GPC6: variants seen among roughly 807,000 people sequenced by gnomAD.
GPC6 encodes glypican-6.
GPC6 carries 14 observed loss-of-function variants against 55.2 expected under a neutral mutation model. The ratio of observed to expected loss-of-function variants is 0.25; its 90% CI spans 0.17 to 0.40. GPC6 has a LOEUF of 0.40. Ranked by LOEUF, GPC6 falls within the 10% of genes least tolerant of loss-of-function variation. The pLI, the probability that GPC6 is intolerant of heterozygous loss-of-function variation, is 1.00. For synonymous variants in GPC6, 278 were observed against 259.6 expected, an observed-to-expected ratio of 1.07 and a Z score of -0.68; for missense variants, 641 against 708.5, an observed-to-expected ratio of 0.90 and a Z score of 1.08.
At chr13:93,578,929 A>AATT (rs1421835074) in intron 2 of GPC6, among the ~76,000 whole-genome samples, 2 of 151,998 alleles carry the variant, frequency 1.3e-5, no homozygotes, top group Non-Finnish European at 2.9e-5. Context: ...TTCTTTTGAA[A>AATT]TCCTCTTATT....
intron 2 of GPC6, among the ~76,000 whole-genome samples, chr13:93,554,145 C>CA (rs35616377): frequency 0.35 from 47,410 of 136,710 alleles, 8,454 homozygotes; most frequent in African/African-American, 0.51. Flanking sequence ...GAGACTCTGT[C>CA]AAAAAAAAAA....
At chr13:94,341,555 A>T (rs1336971927) in intron 6 of GPC6, among the ~76,000 whole-genome samples, 2 of 150,860 alleles carry the variant, frequency 1.3e-5, no homozygotes, top group African/African-American at 4.9e-5. Context: ...ACTGCACTCC[A>T]GCCTGGGCAA....
chr13:93,886,337 A>G (rs1327374542), intron 3 of GPC6, among the ~76,000 whole-genome samples: 7 of 152,026 alleles, frequency 4.6e-5, no homozygotes, highest in African/African-American at 1.7e-4. Flanking sequence ...TTTAAAAATC[A>G]GTGGTGGTAT....
intron 4 of GPC6, among the ~76,000 whole-genome samples, chr13:94,084,262 A>C (rs551597664): frequency 2.0e-5 from 3 of 152,330 alleles, no homozygotes; most frequent in East Asian, 3.9e-4. Flanking sequence ...AGTTGCATCC[A>C]AGGCCAAAAA....
chr13:93,314,603 A>C (rs1465507835), intron 1 of GPC6, among the ~76,000 whole-genome samples: 1 of 152,102 alleles, frequency 6.6e-6, no homozygotes, highest in Non-Finnish European at 1.5e-5. Context: ...TGCCTTGTTT[A>C]GCTACTATCA....
intron 1 of GPC6, among the ~76,000 whole-genome samples, chr13:93,453,176 C>T (rs776487351): frequency 9.9e-5 from 15 of 152,244 alleles, no homozygotes; most frequent in South Asian, 2.1e-4. Context: ...CTGATGGCGT[C>T]GAAGACCCAA....
chr13:93,303,196 G>A (rs77866401), intron 1 of GPC6, among the ~76,000 whole-genome samples: 1,767 of 152,214 alleles, frequency 0.012, 36 homozygotes, highest in African/African-American at 0.039. Context: ...CCTGATTCAT[G>A]AATTGTTTGT....
rs865861337 is a variant in GPC6, at chr13:93,688,284, G to A, written c.320-141870G>A. On this transcript the variant is annotated intron_variant, in intron 2 of 8. Transcript: ENST00000377047. ...TAAGAGAGACCAGAAATAAGCACAA[G>A]TTGAGAGAAGAATGAGTAGACTTTA... Among the ~76,000 whole-genome samples, 4 of 152,184 alleles carry A rather than the reference G, an allele frequency of 2.6e-5. No individual in the cohort carries two copies. The South Asian group carries it at 6.2e-4, about 24-fold the overall frequency.
chr13:93,572,338 G>C (rs756539846), intron 2 of GPC6, among the ~76,000 whole-genome samples: 1 of 152,124 alleles, frequency 6.6e-6, no homozygotes, highest in Non-Finnish European at 1.5e-5. Flanking sequence ...CATCAGAAAT[G>C]TAGGGGACGC....
At chr13:93,894,449 T>C (rs1211665253) in intron 3 of GPC6, among the ~76,000 whole-genome samples, 1 of 152,186 alleles carries the variant, frequency 6.6e-6, no homozygotes, top group Non-Finnish European at 1.5e-5. Context: ...ATACATCTCA[T>C]TATGTTCATC....
At position 93,982,502 on chromosome 13, in the gene GPC6, G is replaced by T. The variant is rs78697581; in HGVS notation, c.712-45227G>T. ...TGAAAAGGGCAGTTTTAAAGATACC[G>T]ACCCTACATTATTTAATTCCCACAT... On this transcript the variant is annotated intron_variant, in intron 3 of 8. Coordinates refer to ENST00000377047, the MANE Select transcript of GPC6 (RefSeq NM_005708.5). Among the ~76,000 whole-genome samples, 193 of 152,220 alleles carry T rather than the reference G, an allele frequency of 1.3e-3. 1 individual carries two copies. Among genetic ancestry groups the T allele is most frequent in the African/African-American group, 4.3e-3 (180 of 41,540 alleles).
chr13:94,147,678 GTGAC>G (rs1271970802), intron 4 of GPC6, among the ~76,000 whole-genome samples: 1 of 152,038 alleles, frequency 6.6e-6, no homozygotes, highest in Non-Finnish European at 1.5e-5. Context: ...CCCTGGCTCT[GTGAC>G]CCTGGGCAAG....
chr13:93,512,043 C>G (rs1402472200), intron 1 of GPC6, among the ~76,000 whole-genome samples: 3 of 152,054 alleles, frequency 2.0e-5, no homozygotes, highest in African/African-American at 7.2e-5. Flanking sequence ...TATTCTACAA[C>G]TTTACTGAAT....
intron 3 of GPC6, among the ~76,000 whole-genome samples, chr13:93,983,485 G>A (rs1880895596): frequency 6.6e-6 from 1 of 151,688 alleles, no homozygotes; most frequent in Admixed American, 6.6e-5. Context: ...GGTCAAGCTG[G>A]AGTGCAATGG....
intron 1 of GPC6, among the ~76,000 whole-genome samples, chr13:93,490,827 T>C (rs1368851140): frequency 9.6e-6 from 1 of 103,658 alleles, no homozygotes; most frequent in Non-Finnish European, 1.9e-5. Context: ...ATTTCATCCA[T>C]GTCCCTACAA....
At chr13:94,381,898 C>T (rs913697074) in intron 6 of GPC6, among the ~76,000 whole-genome samples, 2 of 152,200 alleles carry the variant, frequency 1.3e-5, no homozygotes, top group African/African-American at 4.8e-5. Flanking sequence ...GCTTACCACC[C>T]ATGTGTGTGC....
chr13:94,083,974 TA>T (rs1032112346), intron 4 of GPC6, among the ~76,000 whole-genome samples: 2 of 152,186 alleles, frequency 1.3e-5, no homozygotes, highest in African/African-American at 4.8e-5. Flanking sequence ...GAATAAGGAA[TA>T]ACTTAAACCA....
intron 2 of GPC6, among the ~76,000 whole-genome samples, chr13:93,583,988 C>T (rs1877070168): frequency 6.6e-6 from 1 of 152,180 alleles, no homozygotes; most frequent in Non-Finnish European, 1.5e-5. Context: ...CGTGTACCTA[C>T]ATCTTAGCTA....
intron 4 of GPC6, among the ~76,000 whole-genome samples, chr13:94,156,408 T>A (rs1032423697): frequency 6.6e-6 from 1 of 152,086 alleles, no homozygotes; most frequent in Non-Finnish European, 1.5e-5. Flanking sequence ...TAGAGATAGA[T>A]ATAAATATAA....
Sources: allele counts gnomAD v4.1 joint callset (sites outside exome capture counted in the v4.1 genomes callset), GRCh38; gene constraint gnomAD v4.1.1; transcripts MANE v1.5; gene names NCBI Gene and HGNC (gene_info 2026-07-23, HGNC 2026-07-21).